Variants in RANBP9 observed in about 807,000 individuals in gnomAD.
The protein encoded by RANBP9 is RAN binding protein 9.
A neutral mutation model predicts 84.3 loss-of-function variants in RANBP9; 15 were observed. The ratio of observed to expected loss-of-function variants is 0.18; its 90% CI spans 0.12 to 0.27. RANBP9 has a LOEUF of 0.27. RANBP9 is among the 10% of genes least tolerant of loss of function. The pLI, the probability that RANBP9 is intolerant of heterozygous loss-of-function variation, is 1.00. For missense variants in RANBP9, 809 were observed against 912.8 expected, an observed-to-expected ratio of 0.89 and a Z score of 1.46; for synonymous variants, 392 against 349.6, an observed-to-expected ratio of 1.12 and a Z score of -1.35.
At chr6:13,627,919 C>T (rs549103114) in intron 12 of RANBP9, among the ~76,000 whole-genome samples, 5 of 152,106 alleles carry the variant, frequency 3.3e-5, no homozygotes, top group Admixed American at 2.0e-4. Context: ...CCATGGCACA[C>T]GTTTACCTAT....
intron 1 of RANBP9, among the ~76,000 whole-genome samples, chr6:13,710,419 C>T (rs1363949649): frequency 2.0e-5 from 3 of 152,040 alleles, no homozygotes; most frequent in Admixed American, 1.3e-4. Flanking sequence ...GTCCTTTTGT[C>T]CCCCTAGACA....
At chr6:13,673,582 A>G (rs1196366601) in intron 2 of RANBP9, among the ~76,000 whole-genome samples, 1 of 152,198 alleles carries the variant, frequency 6.6e-6, no homozygotes, top group African/African-American at 2.4e-5. Context: ...GGATAAGTGA[A>G]ATGAATAACA....
intron 3 of RANBP9, among the ~76,000 whole-genome samples, chr6:13,658,477 C>CG (rs1765461575): frequency 6.6e-6 from 1 of 152,000 alleles, no homozygotes; most frequent in Non-Finnish European, 1.5e-5. Flanking sequence ...GGCCTGGTGG[C>CG]GCATGCCTGT....
At chr6:13,629,940 GTGTA>G (rs1764733465) in intron 12 of RANBP9, among the ~76,000 whole-genome samples, 1 of 151,482 alleles carries the variant, frequency 6.6e-6, no homozygotes, top group South Asian at 2.1e-4. Flanking sequence ...GTGTGTGTGT[GTGTA>G]TTTGCATGAA....
Position 13,648,005 on chromosome 6 carries a change from C to G in RANBP9, c.928-3276G>C, listed in dbSNP as rs796164732. Among the ~76,000 whole-genome samples, 26 of 152,184 alleles carry G rather than the reference C, an allele frequency of 1.7e-4. 1 individual carries two copies. The highest frequency in any genetic ancestry group is 6.0e-4 in the African/African-American group (25 of 41,530). ...AATCCCATCACCCCAGAGAGAAACT[C>G]AGTACCCATCAGCAGCCACTTCCCA... On this transcript the variant is annotated intron_variant, in intron 5 of 13. Transcript: ENST00000011619.
At chr6:13,675,987 C>T (rs1294595246) in intron 2 of RANBP9, among the ~76,000 whole-genome samples, 1 of 151,608 alleles carries the variant, frequency 6.6e-6, no homozygotes, top group African/African-American at 2.4e-5. Context: ...AAAATTAAAT[C>T]AATAATTAAT....
intron 2 of RANBP9, among the ~76,000 whole-genome samples, chr6:13,691,121 T>C (rs1277299230): frequency 2.0e-5 from 3 of 150,978 alleles, no homozygotes; most frequent in Non-Finnish European, 4.4e-5. Context: ...TGAGCCAAGA[T>C]TGTGCCACTG....
chr6:13,700,605 G>C (rs570211676), intron 1 of RANBP9, among the ~76,000 whole-genome samples: 2 of 152,094 alleles, frequency 1.3e-5, no homozygotes, highest in Non-Finnish European at 1.5e-5. Context: ...ATAGCAACAT[G>C]TATCTCTCCT....
intron 2 of RANBP9, among the ~76,000 whole-genome samples, chr6:13,691,882 G>T (rs906316177): frequency 3.3e-5 from 5 of 152,074 alleles, no homozygotes; most frequent in Non-Finnish European, 7.4e-5. Context: ...GGCCAAGGCT[G>T]GTCTTGAACT....
chr6:13,633,276 C>T (rs1175164653), intron 11 of RANBP9, among the ~76,000 whole-genome samples: 7 of 152,130 alleles, frequency 4.6e-5, no homozygotes, highest in African/African-American at 1.2e-4. Context: ...CCTTGTGATC[C>T]GCCCACCTCG....
Position 13,711,072 on chromosome 6 carries a change from T to C in RANBP9, c.434A>G (p.Lys145Arg). 6.3e-7 allele frequency: 1 copy of C among 1,582,820 alleles called. No individual in the cohort carries two copies. The highest frequency in any genetic ancestry group is 1.3e-5 in the African/African-American group (1 of 74,200). The part of the protein sequence containing the change: ...HGDSALNEQE[K>R]ELQRRLKRLY... Reference sequence around the variant, plus strand: ...ACGCTTCAGCCGCCGCTGCAACTCCTTCTCCTGCTCGTTCAGGGCCGAGTC... The same window carrying C: ...ACGCTTCAGCCGCCGCTGCAACTCCCTCTCCTGCTCGTTCAGGGCCGAGTC... The change falls in exon 1 of 14, where the codon AAG becomes AGG. Residue 145 changes from lysine (K) to arginine (R), a missense_variant. Physicochemically the swap from Lys to Arg is conservative, Grantham distance 26. Coordinates refer to ENST00000011619, the MANE Select transcript of RANBP9 (RefSeq NM_005493.3).
intron 2 of RANBP9, among the ~76,000 whole-genome samples, chr6:13,661,375 G>C (rs2127771942): frequency 6.6e-6 from 1 of 152,000 alleles, no homozygotes; most frequent in South Asian, 2.1e-4. Flanking sequence ...AATAAGCATA[G>C]AAAAAGACAG....
chr6:13,638,534 C>G (rs1764990661), intron 9 of RANBP9, among the ~76,000 whole-genome samples: 1 of 151,764 alleles, frequency 6.6e-6, no homozygotes, highest in African/African-American at 2.4e-5. Flanking sequence ...TGAGAAGCAT[C>G]AGAAATAAAT....
At position 13,711,127 on chromosome 6, in the gene RANBP9, T is replaced by C; in HGVS notation, c.379A>G (p.Ser127Gly). Reference sequence around the variant, plus strand: ...TGAGGGAAGGGGGCCGCGGCGCTGCTGCCCGCCACCAGAGCTGGGGTCGGG... The same window carrying C: ...TGAGGGAAGGGGGCCGCGGCGCTGCCGCCCGCCACCAGAGCTGGGGTCGGG... ...GAPTPALVAG[S>G]SAAAPFPHGD... Residue 127 changes from serine to glycine, a missense_variant, in exon 1 of 14, where the codon AGC becomes GGC. Coordinates refer to ENST00000011619, the MANE Select transcript of RANBP9 (RefSeq NM_005493.3). 5 of 1,534,444 alleles carry C rather than the reference T, an allele frequency of 3.3e-6. No individual in the cohort carries two copies. Among genetic ancestry groups the C allele is most frequent in the East Asian group, 2.5e-5 (1 of 39,630 alleles).
At chr6:13,698,912 C>T (rs980811360) in intron 1 of RANBP9, among the ~76,000 whole-genome samples, 1 of 152,126 alleles carries the variant, frequency 6.6e-6, no homozygotes, top group Non-Finnish European at 1.5e-5. Context: ...TTACAATGAA[C>T]ATTCGGGGAT....
At chr6:13,674,068 A>G (rs548370696) in intron 2 of RANBP9, among the ~76,000 whole-genome samples, 61 of 151,346 alleles carry the variant, frequency 4.0e-4, no homozygotes, top group African/African-American at 1.4e-3. Context: ...TGGGTGACAG[A>G]GGGAGACCTT....
chr6:13,676,927 G>A (rs1284682329), intron 2 of RANBP9, among the ~76,000 whole-genome samples: 1 of 152,080 alleles, frequency 6.6e-6, no homozygotes, highest in African/African-American at 2.4e-5. Context: ...GCTAAAACTA[G>A]ACACTTTCTC....
chr6:13,678,367 T>G (rs548922160), intron 2 of RANBP9, among the ~76,000 whole-genome samples: 58 of 152,192 alleles, frequency 3.8e-4, no homozygotes, highest in Non-Finnish European at 7.6e-4. Context: ...AAAACATGTT[T>G]CTTATTTACT....
chr6:13,692,229 T>C (rs1358739152), intron 2 of RANBP9, among the ~76,000 whole-genome samples: 1 of 152,000 alleles, frequency 6.6e-6, no homozygotes, highest in Non-Finnish European at 1.5e-5. Flanking sequence ...GATAAATGAA[T>C]GTGACCAAAG....
Sources: gnomAD v4.1 joint callset for allele counts (sites outside exome capture counted in the v4.1 genomes callset) on GRCh38, gnomAD v4.1.1 for gene constraint, MANE v1.5 for transcripts, NCBI Gene and HGNC (gene_info 2026-07-23, HGNC 2026-07-21) for gene names.